TRIM9: variants seen among roughly 807,000 people sequenced by gnomAD.
The protein encoded by TRIM9 is E3 ubiquitin-protein ligase TRIM9.
A neutral mutation model predicts 78.3 loss-of-function variants in TRIM9; 26 were observed. That is an observed-to-expected ratio of 0.33 (90% confidence interval 0.24 to 0.46). The LOEUF is 0.46. TRIM9 is among the 20% of genes least tolerant of loss of function. The probability of loss-of-function intolerance (pLI) is 1.00; values close to 1 mark genes in which losing one functional copy is unlikely to be tolerated. For missense variants in TRIM9, 787 were observed against 1,036.4 expected (o/e 0.76, Z 3.30); for synonymous variants, 398 against 416.5 (o/e 0.96, Z 0.54).
chr14:51,009,270 A>G (rs1413929544), intron 4 of TRIM9, 37 bp from the exon 5 acceptor site: 1 of 1,611,234 alleles, frequency 6.2e-7, no homozygotes, highest in Non-Finnish European at 8.5e-7. Context: ...TAAGAAATAC[A>G]CCACCACACT....
intron 12 of TRIM9, 103 bp downstream of exon 12, chr14:50,979,284 T>C: frequency 6.3e-7 from 1 of 1,597,824 alleles, no homozygotes; most frequent in East Asian, 2.3e-5. Context: ...GTCTGGGCCT[T>C]ACGCTGTCAG....
At chr14:51,034,007 T>G (rs1361077066) in intron 1 of TRIM9, among the ~76,000 whole-genome samples, 1 of 152,216 alleles carries the variant, frequency 6.6e-6, no homozygotes, top group African/African-American at 2.4e-5. Flanking sequence ...GAATAGAGAT[T>G]CTGTGAACTA....
Position 51,010,585 on chromosome 14 carries a change from G to A in TRIM9, c.1042-91C>T, listed in dbSNP as rs1334409539. ...ACCATTGGAAAGCTTCTTCAAACCA[G>A]AATCCATTCCATTCTGGAATGGAAC... On this transcript the variant is annotated intron_variant, in intron 3 of 12. Coordinates refer to ENST00000684578, the MANE Select transcript of TRIM9 (RefSeq NM_001387360.1). 4.4e-6 allele frequency: 4 copies of A among 911,938 alleles called. No homozygotes were observed. In the East Asian group the frequency reaches 9.8e-5, roughly 22 times the overall value. The allele number at this position is 911,938 out of a possible 1,614,324, so 56.5% of individuals were successfully genotyped here. A position where few individuals can be genotyped will look rare whatever the true frequency, so the allele number is the denominator to read the frequency against.
At chr14:51,028,965 G>C (rs919014439) in intron 1 of TRIM9, among the ~76,000 whole-genome samples, 2 of 152,010 alleles carry the variant, frequency 1.3e-5, no homozygotes, top group Non-Finnish European at 2.9e-5. Flanking sequence ...GAGAGATCAG[G>C]CACTTACCCT....
intron 1 of TRIM9, among the ~76,000 whole-genome samples, chr14:51,064,950 G>A (rs1201575735): frequency 2.0e-5 from 3 of 152,118 alleles, no homozygotes; most frequent in Non-Finnish European, 4.4e-5. Context: ...TGATTTTACT[G>A]GTGAACTCTG....
In TRIM9 at chr14:50,979,362, TTAACCTCAGGG is replaced by T; in HGVS notation, c.2325+14_2325+24del. 1 of 1,614,214 alleles carries T rather than the reference TTAACCTCAGGG, an allele frequency of 6.2e-7. No homozygotes were observed. Among genetic ancestry groups the T allele is most frequent in the Non-Finnish European group, 8.5e-7 (1 of 1,180,034 alleles). On this transcript the variant is annotated intron_variant, in intron 12 of 12. Transcript: ENST00000684578. ...TGAACCGGTAGCCAGCAACAGCTGT[TTAACCTCAGGG>T]GCAGGGTGCTTACCTGCACGTTCCT... is the stretch of plus-strand genomic sequence containing the variant.
chr14:51,069,383 A>G (rs184505916), intron 1 of TRIM9, among the ~76,000 whole-genome samples: 13 of 152,200 alleles, frequency 8.5e-5, no homozygotes, highest in Non-Finnish European at 7.4e-5. Flanking sequence ...CTCAGAGGTG[A>G]GTGGTGTGGT....
At chr14:51,048,791 T>C (rs2060154922) in intron 1 of TRIM9, among the ~76,000 whole-genome samples, 1 of 151,976 alleles carries the variant, frequency 6.6e-6, no homozygotes, top group Non-Finnish European at 1.5e-5. Context: ...GAGACCATCC[T>C]GGCTAACACG....
At chr14:51,070,136 G>T (rs966309708) in intron 1 of TRIM9, among the ~76,000 whole-genome samples, 9 of 152,114 alleles carry the variant, frequency 5.9e-5, no homozygotes, top group Non-Finnish European at 1.3e-4. Flanking sequence ...TGTTTAAATG[G>T]CCCCAAACAC....
intron 5 of TRIM9, among the ~76,000 whole-genome samples, chr14:51,004,057 C>T (rs1376853427): frequency 6.6e-6 from 1 of 152,200 alleles, no homozygotes; most frequent in Non-Finnish European, 1.5e-5. Flanking sequence ...ATTACAGTTT[C>T]TGGACTGAAA....
At chr14:50,980,451 CAGGA>C (rs1414365575) in intron 11 of TRIM9, among the ~76,000 whole-genome samples, 1 of 152,178 alleles carries the variant, frequency 6.6e-6, no homozygotes, top group Non-Finnish European at 1.5e-5. Flanking sequence ...CTCTTGCATG[CAGGA>C]TACAGACTGT....
intron 5 of TRIM9, 47 bp from the exon 6 acceptor site, chr14:51,000,887 T>G: frequency 6.2e-7 from 1 of 1,606,358 alleles, no homozygotes; most frequent in Non-Finnish European, 8.5e-7. Context: ...GCTGCAGATA[T>G]TCCAGTATCT....
chr14:51,071,957 C>T (rs1293890734), intron 1 of TRIM9, among the ~76,000 whole-genome samples: 3 of 152,192 alleles, frequency 2.0e-5, no homozygotes, highest in African/African-American at 4.8e-5. Context: ...TTGCCAATCC[C>T]GGACTCAGCA....
intron 11 of TRIM9, 80 bp downstream of exon 11, chr14:50,981,720 T>C: frequency 6.4e-7 from 1 of 1,563,478 alleles, no homozygotes; most frequent in Non-Finnish European, 8.7e-7. Flanking sequence ...GTGGTCTATG[T>C]AATAGGTTTT....
chr14:51,056,392 A>T (rs1311535987), intron 1 of TRIM9, among the ~76,000 whole-genome samples: 1 of 152,240 alleles, frequency 6.6e-6, no homozygotes, highest in Admixed American at 6.5e-5. Context: ...TATACTACTA[A>T]ATACAAAGGT....
At chr14:51,027,138 T>A (rs1462301781) in intron 1 of TRIM9, among the ~76,000 whole-genome samples, 2 of 31,500 alleles carry the variant, frequency 6.3e-5, no homozygotes, top group African/African-American at 4.7e-4. Context: ...TTAACTTTTT[T>A]TTTTTTTTTT....
chr14:51,069,061 G>GGGGAC (rs755059583), intron 1 of TRIM9, among the ~76,000 whole-genome samples: 1 of 152,160 alleles, frequency 6.6e-6, no homozygotes, highest in African/African-American at 2.4e-5. Flanking sequence ...AAAGGACATA[G>GGGGAC]GGGACTATGG....
At position 51,054,069 on chromosome 14, in the gene TRIM9, T is replaced by A. The variant is rs558758679; in HGVS notation, c.823-28709A>T. 2.0e-5 allele frequency among the ~76,000 whole-genome samples: 3 copies of A among 152,334 alleles called. No individual in the cohort carries two copies. The South Asian group carries it at 6.2e-4, about 32-fold the overall frequency. ...AGTCCAGAGGCTGTCACAGAATTAA[T>A]CTTTCTTTAGAAATCATTTTGACAT... On this transcript the variant is annotated intron_variant, in intron 1 of 12. Coordinates refer to ENST00000684578, the MANE Select transcript of TRIM9 (RefSeq NM_001387360.1).
intron 3 of TRIM9, among the ~76,000 whole-genome samples, chr14:51,013,408 TC>T (rs1231502669): frequency 6.6e-6 from 1 of 152,208 alleles, no homozygotes; most frequent in African/African-American, 2.4e-5. Context: ...TATGCCAGTA[TC>T]CACTATTTTG....
Sources: gnomAD v4.1 joint callset for allele counts (sites outside exome capture counted in the v4.1 genomes callset) on GRCh38, gnomAD v4.1.1 for gene constraint, MANE v1.5 for transcripts, NCBI Gene and HGNC (gene_info 2026-07-23, HGNC 2026-07-21) for gene names.